The following ACAP2 variants were observed in gnomAD, a reference collection of about 807,000 sequenced individuals.
ACAP2 encodes arf-GAP with coiled-coil, ANK repeat and PH domain-containing protein 2.
A neutral mutation model predicts 115.8 loss-of-function variants in ACAP2; 39 were observed. The ratio of observed to expected loss-of-function variants is 0.34; its 90% CI spans 0.26 to 0.44. The LOEUF is 0.44. Among genes scored for constraint, ACAP2 ranks in the 20% least tolerant of loss-of-function variants. The pLI is 1.00. For missense variants in ACAP2, 662 were observed against 927.6 expected (o/e 0.71, Z 3.72); for synonymous variants, 289 against 315.8 (o/e 0.92, Z 0.90).
At chr3:195,414,630 T>A (rs1460882194) in intron 1 of ACAP2, among the ~76,000 whole-genome samples, 1 of 152,188 alleles carries the variant, frequency 6.6e-6, no homozygotes, top group Non-Finnish European at 1.5e-5. Flanking sequence ...CATTACAGGT[T>A]GAGCATCCCT....
At chr3:195,383,516 TATAG>T (rs1734084557) in intron 2 of ACAP2, among the ~76,000 whole-genome samples, 1 of 151,672 alleles carries the variant, frequency 6.6e-6, no homozygotes, top group Admixed American at 6.6e-5. Flanking sequence ...CCAAGTTAAT[TATAG>T]ATAAAGATTT....
intron 1 of ACAP2, among the ~76,000 whole-genome samples, chr3:195,411,583 TCAAAAGGCA>T (rs1374540127): frequency 6.6e-6 from 1 of 152,192 alleles, no homozygotes; most frequent in Non-Finnish European, 1.5e-5. Flanking sequence ...AATTTTCACA[TCAAAAGGCA>T]CACATTTTAT....
chr3:195,395,035 T>A lies in ACAP2; in HGVS notation c.54-2888A>T, dbSNP rs184915423. On this transcript the variant is annotated intron_variant, in intron 1 of 22. Transcript: ENST00000326793. ...TCAATTCGCAGATGAATAGATGACT[T>A]CTATTCATTGAGATAGAACCATTCT... Among the ~76,000 whole-genome samples, 1,135 of 147,738 alleles carry A rather than the reference T, an allele frequency of 7.7e-3. 10 individuals carry two copies. Among genetic ancestry groups the A allele is most frequent in the Non-Finnish European group, 0.013 (860 of 67,980 alleles).
chr3:195,370,274 TG>T (rs1348054454), intron 4 of ACAP2, among the ~76,000 whole-genome samples: 6 of 152,234 alleles, frequency 3.9e-5, no homozygotes, highest in African/African-American at 1.4e-4. Flanking sequence ...TTTTTGCTTT[TG>T]TTGCAATTGC....
intron 5 of ACAP2, among the ~76,000 whole-genome samples, chr3:195,344,889 T>C (rs1439840569): frequency 6.6e-6 from 1 of 152,214 alleles, no homozygotes; most frequent in Admixed American, 6.5e-5. Context: ...AAATACCACA[T>C]TGAAACAATG....
In ACAP2 at chr3:195,441,073, C is replaced by G. The variant is rs140010375; in HGVS notation, c.53+1722G>C. Among the ~76,000 whole-genome samples the G allele has an allele frequency of 1.2e-3, 188 of 151,674 alleles. 8 individuals carry two copies. In the East Asian group the frequency reaches 0.028, roughly 23 times the overall value. The stretch of plus-strand genomic sequence containing the variant: ...CTTTATTTCAAAAACAAAGACATCA[C>G]ATGGTTTGTGACCAACCCCAGTAGC... On this transcript the variant is annotated intron_variant, in intron 1 of 22. Coordinates refer to ENST00000326793, the MANE Select transcript of ACAP2 (RefSeq NM_012287.6).
chr3:195,427,986 T>C lies in ACAP2; in HGVS notation c.53+14809A>G, dbSNP rs889840218. Among the ~76,000 whole-genome samples the C allele has an allele frequency of 2.9e-5, 4 of 137,982 alleles. No homozygotes were observed. The Admixed American group carries it at 2.9e-4, about 10-fold the overall frequency. The allele number at this position is 137,982 out of a possible 152,430, so 90.5% of individuals were successfully genotyped here. A position where few individuals can be genotyped will look rare whatever the true frequency, so the allele number is the denominator to read the frequency against. On this transcript the variant is annotated intron_variant, in intron 1 of 22. Coordinates refer to ENST00000326793, the MANE Select transcript of ACAP2 (RefSeq NM_012287.6). ...ACATACACACACACAGATGCATATA[T>C]ATATATATACACACACACGTCTAAA...
chr3:195,356,247 C>G (rs753311685), intron 4 of ACAP2: 2 of 454,090 alleles, frequency 4.4e-6, no homozygotes, highest in African/African-American at 2.0e-5. Flanking sequence ...CTGCCAATCC[C>G]GGCAGAACTC....
At chr3:195,370,552 G>A (rs1446908370) in intron 4 of ACAP2, among the ~76,000 whole-genome samples, 1 of 152,124 alleles carries the variant, frequency 6.6e-6, no homozygotes, top group Non-Finnish European at 1.5e-5. Context: ...TCAGATGGTT[G>A]TAGGTGTGCG....
At chr3:195,331,177 G>A (rs1577312434) in intron 8 of ACAP2, among the ~76,000 whole-genome samples, 1 of 152,004 alleles carries the variant, frequency 6.6e-6, no homozygotes, top group Non-Finnish European at 1.5e-5. Context: ...GTTCTGTAGA[G>A]GCAGAAAACA....
At chr3:195,290,871 AT>A (rs2108921397) in intron 20 of ACAP2, among the ~76,000 whole-genome samples, 1 of 150,776 alleles carries the variant, frequency 6.6e-6, no homozygotes, top group African/African-American at 2.4e-5. Flanking sequence ...AAATAAATAA[AT>A]AAAAATAGCC....
intron 8 of ACAP2, 89 bp from the exon 9 acceptor site, chr3:195,327,048 T>A: frequency 8.4e-7 from 1 of 1,186,250 alleles, no homozygotes; most frequent in Non-Finnish European, 1.2e-6. Flanking sequence ...CACAGATAAA[T>A]AAAAAATCAC....
At chr3:195,436,742 A>G (rs1715570624) in intron 1 of ACAP2, among the ~76,000 whole-genome samples, 1 of 152,218 alleles carries the variant, frequency 6.6e-6, no homozygotes, top group African/African-American at 2.4e-5. Flanking sequence ...AACATATAAC[A>G]AGAGGAAATT....
intron 4 of ACAP2, among the ~76,000 whole-genome samples, chr3:195,377,157 T>C (rs907762162): frequency 3.4e-5 from 5 of 146,238 alleles, no homozygotes; most frequent in African/African-American, 1.3e-4. Flanking sequence ...TTTTTTTTTT[T>C]TTTTGGAAAC....
At chr3:195,294,415 T>C (rs1186873896) in intron 18 of ACAP2, among the ~76,000 whole-genome samples, 1 of 149,156 alleles carries the variant, frequency 6.7e-6, no homozygotes, top group Non-Finnish European at 1.5e-5. Flanking sequence ...TCGTCCCTAC[T>C]AAAAACACAA....
chr3:195,396,793 GAAAAAA>G (rs62983860), intron 1 of ACAP2, among the ~76,000 whole-genome samples: 17 of 91,804 alleles, frequency 1.9e-4, no homozygotes, highest in East Asian at 3.5e-4. Flanking sequence ...TCTCAAAAAA[GAAAAAA>G]AAAAAAAAAA....
rs752723798 is a variant in ACAP2, at chr3:195,307,309, C to A, written c.924G>T (p.Val308=). 6.2e-7 allele frequency: 1 copy of A among 1,612,330 alleles called. No individual in the cohort carries two copies. The highest frequency in any genetic ancestry group is 1.7e-5 in the Admixed American group (1 of 59,906). ...YQKKFKDNPT[V]VVEDLRLCTV... The stretch of plus-strand genomic sequence containing the variant: ...TGCAAAGCCTGAGGTCTTCAACTAC[C>A]ACAGTCGGATTATCCTATAGTGAGG... Residue 308 remains valine (V), a synonymous_variant, in exon 12 of 23, where the codon GTG becomes GTT. Coordinates refer to ENST00000326793, the MANE Select transcript of ACAP2 (RefSeq NM_012287.6).
chr3:195,392,899 G>C (rs558162154), intron 1 of ACAP2, among the ~76,000 whole-genome samples: 2 of 152,276 alleles, frequency 1.3e-5, no homozygotes, highest in African/African-American at 4.8e-5. Flanking sequence ...TCTACTTTAA[G>C]TCATTTATGC....
intron 1 of ACAP2, among the ~76,000 whole-genome samples, chr3:195,405,991 C>T (rs1278094832): frequency 6.6e-6 from 1 of 152,130 alleles, no homozygotes; most frequent in Admixed American, 6.5e-5. Flanking sequence ...CCAATCACCC[C>T]CACACCAGGC....
Sources: gnomAD v4.1 joint callset for allele counts (sites outside exome capture counted in the v4.1 genomes callset) on GRCh38, gnomAD v4.1.1 for gene constraint, MANE v1.5 for transcripts, NCBI Gene and HGNC (gene_info 2026-07-23, HGNC 2026-07-21) for gene names.